ZDHHC1: variants seen among roughly 807,000 people sequenced by gnomAD.
The protein encoded by ZDHHC1 is palmitoyltransferase ZDHHC1.
ZDHHC1 carries 45 observed loss-of-function variants against 46.9 expected under a neutral mutation model. The ratio of observed to expected loss-of-function variants is 0.96; its 90% CI spans 0.76 to 1.23. ZDHHC1 has a LOEUF of 1.23. Among genes scored for constraint, ZDHHC1 ranks in the 50% most tolerant of loss-of-function variants. The probability of loss-of-function intolerance (pLI) is 0.00; values close to 1 mark genes in which losing one functional copy is unlikely to be tolerated. For missense variants in ZDHHC1, 649 were observed against 670.8 expected (o/e 0.97, Z 0.36); for synonymous variants, 291 against 286.0 (o/e 1.02, Z -0.18).
At chr16:67,403,172 C>T (rs1358951464) in intron 3 of ZDHHC1, among the ~76,000 whole-genome samples, 2 of 152,144 alleles carry the variant, frequency 1.3e-5, no homozygotes, top group Non-Finnish European at 2.9e-5. Flanking sequence ...AGCAGTTTGG[C>T]TGAAGTGTGC....
chr16:67,403,572 C>T (rs938478783), intron 3 of ZDHHC1, among the ~76,000 whole-genome samples: 1 of 151,324 alleles, frequency 6.6e-6, no homozygotes, highest in Non-Finnish European at 1.5e-5. Context: ...GTCCAGAATG[C>T]GGAGCCTTGA....
rs182692615 is a variant in ZDHHC1 at position 67,414,335 on chromosome 16, T to A, written c.-39+1836A>T. On this transcript the variant is annotated intron_variant, in intron 1 of 11. Coordinates refer to ENST00000565726, the MANE Select transcript of ZDHHC1 (RefSeq NM_001323627.2). ...TTGCTTTTACTGCATCTCATGGTGA[T>A]TATCTGTTTACAAACCCGTCTCCCA... Among the ~76,000 whole-genome samples, 3 of 152,268 alleles carry A rather than the reference T, an allele frequency of 2.0e-5. No homozygotes were observed. In the East Asian group the frequency reaches 5.8e-4, roughly 29 times the overall value.
intron 1 of ZDHHC1, among the ~76,000 whole-genome samples, chr16:67,412,747 T>C (rs989209424): frequency 6.6e-6 from 1 of 152,130 alleles, no homozygotes; most frequent in African/African-American, 2.4e-5. Flanking sequence ...ATGCATCTTG[T>C]CCTTTTGCTA....
Position 67,398,203 on chromosome 16 carries a change from C to T in ZDHHC1, c.927+9G>A. On this transcript the variant is annotated intron_variant, in intron 8 of 11. Coordinates refer to ENST00000565726, the MANE Select transcript of ZDHHC1 (RefSeq NM_001323627.2). Reference sequence around the variant, plus strand: ...ACCCAGGCCCCCTCCCACCCTTCATCCTCTATACCTGAATGGGCCGCATCT... The same window carrying T: ...ACCCAGGCCCCCTCCCACCCTTCATTCTCTATACCTGAATGGGCCGCATCT... 6.4e-7 allele frequency: 1 copy of T among 1,555,820 alleles called. No individual in the cohort carries two copies.
Position 67,401,842 on chromosome 16 carries a change from T to C in ZDHHC1, c.253-710A>G, listed in dbSNP as rs1159121919. Reference sequence around the variant, plus strand: ...TGCAGGAGACAAGTTTGCTGACAATTTGCTACAAAGTCTGATGTTTAAAAA... The same window carrying C: ...TGCAGGAGACAAGTTTGCTGACAATCTGCTACAAAGTCTGATGTTTAAAAA... On this transcript the variant is annotated intron_variant, in intron 3 of 11. Transcript: ENST00000565726. The surrounding 1 kb of genome is among the most constrained non-coding windows in gnomAD (Gnocchi z 4.6). 6.6e-6 allele frequency among the ~76,000 whole-genome samples: 1 copy of C among 152,200 alleles called. No homozygotes were observed. Among genetic ancestry groups the C allele is most frequent in the African/African-American group, 2.4e-5 (1 of 41,450 alleles).
In ZDHHC1 at chr16:67,395,167, C is replaced by G; in HGVS notation, c.1104+20G>C. 3 of 1,612,980 alleles carry G rather than the reference C, an allele frequency of 1.9e-6. No individual in the cohort carries two copies. Among genetic ancestry groups the G allele is most frequent in the Non-Finnish European group, 2.5e-6 (3 of 1,179,952 alleles). On this transcript the variant is annotated intron_variant, in intron 10 of 11. Transcript: ENST00000565726. The stretch of plus-strand genomic sequence containing the variant: ...TATCCCACTCCACCTGGACCGGAGG[C>G]CCAGCACAGTCCCTCCTACCTGGGG...
intron 1 of ZDHHC1, among the ~76,000 whole-genome samples, chr16:67,408,399 C>G (rs2040698847): frequency 6.6e-6 from 1 of 152,080 alleles, no homozygotes; most frequent in African/African-American, 2.4e-5. Flanking sequence ...AACTCCTGGA[C>G]TCCAGACTCA....
In ZDHHC1 at chr16:67,394,258, C is replaced by G. The variant is rs530955415; in HGVS notation, c.*352G>C. 6.6e-6 allele frequency among the ~76,000 whole-genome samples: 1 copy of G among 152,194 alleles called. No individual in the cohort carries two copies. Among genetic ancestry groups the G allele is most frequent in the Non-Finnish European group, 1.5e-5 (1 of 68,018 alleles). ...AAAATAACCTCCTCCAGGCCGCCTT[C>G]TAAGGCCTTTCCTAACCACGAGCCG... On this transcript the variant is annotated 3_prime_UTR_variant, in exon 12 of 12. Coordinates refer to ENST00000565726, the MANE Select transcript of ZDHHC1 (RefSeq NM_001323627.2).
At chr16:67,403,913 C>T (rs547840522) in intron 3 of ZDHHC1, among the ~76,000 whole-genome samples, 1 of 152,290 alleles carries the variant, frequency 6.6e-6, no homozygotes, top group African/African-American at 2.4e-5. Context: ...CGCGCCCGGC[C>T]TTGAGCCTCA....
chr16:67,402,690 G>A (rs893063389), intron 3 of ZDHHC1, among the ~76,000 whole-genome samples: 3 of 151,584 alleles, frequency 2.0e-5, no homozygotes, highest in South Asian at 2.1e-4. Flanking sequence ...GCAATGGCAC[G>A]ATCTTGGCTC....
Position 67,395,206 on chromosome 16 carries a change from G to C in ZDHHC1, c.1085C>G (p.Pro362Arg). ...TCCTACCTGGGGTCGGATCCGGGGA[G>C]GCAGGGCGAGAGTGTCTGGGGAAGA... ...PPSSPDTLALPPRIRPQKKRK... is the reference protein window; with the variant it reads ...PPSSPDTLALRPRIRPQKKRK... The change falls in exon 10 of 12, where the codon CCT becomes CGT. Residue 362 changes from proline (P) to arginine (R), a missense_variant. Transcript: ENST00000565726. The C allele has an allele frequency of 6.2e-7, 1 of 1,611,604 alleles. No individual in the cohort carries two copies. The highest frequency in any genetic ancestry group is 8.5e-7 in the Non-Finnish European group (1 of 1,179,430).
At position 67,395,290 on chromosome 16, in the gene ZDHHC1, A is replaced by G; in HGVS notation, c.1011-10T>C. 6.5e-7 allele frequency: 1 copy of G among 1,531,428 alleles called. No individual in the cohort carries two copies. 94.9% of individuals were successfully genotyped at this position (1,531,428 alleles called of 1,614,324 possible). On this transcript the variant is annotated splice_polypyrimidine_tract_variant and intron_variant, in intron 9 of 11. Coordinates refer to ENST00000565726, the MANE Select transcript of ZDHHC1 (RefSeq NM_001323627.2). ...AAGAAACTGGGAGGGACTGAGGGGG[A>G]AGCAGGAGGGTAAGCCTGGGGCCTG...
Position 67,395,284 on chromosome 16 carries a change from AG to A in ZDHHC1, c.1011-5del. ...GGTGGCAAGAAACTGGGAGGGACTG[AG>A]GGGGAAGCAGGAGGGTAAGCCTGGG... On this transcript the variant is annotated splice_polypyrimidine_tract_variant and splice_region_variant and intron_variant, in intron 9 of 11. Coordinates refer to ENST00000565726, the MANE Select transcript of ZDHHC1 (RefSeq NM_001323627.2). The A allele has an allele frequency of 1.3e-6, 2 of 1,536,426 alleles. No homozygotes were observed. The highest frequency in any genetic ancestry group is 8.8e-7 in the Non-Finnish European group (1 of 1,139,506).
chr16:67,406,312 G>A lies in ZDHHC1; in HGVS notation c.140C>T (p.Pro47Leu). Residue 47 changes from proline (P) to leucine (L), a missense_variant, in exon 3 of 12, where the codon CCC becomes CTC. Physicochemically the swap from Pro to Leu is moderately conservative, Grantham distance 98. Transcript: ENST00000565726. This position sits in a 1 kb window ranked among gnomAD's most constrained non-coding sequence, Gnocchi z 4.1. Reference protein sequence around the residue: ...QRSRRNGWSWPPHPLQIVAWL... With the variant: ...QRSRRNGWSWLPHPLQIVAWL... ...GGCCACAATCTGGAGCGGGTGAGGG[G>A]GCCAGCTCCACCCATTCCGGCGGGA... 1.9e-6 allele frequency: 3 copies of A among 1,606,566 alleles called. No individual in the cohort carries two copies. Among genetic ancestry groups the A allele is most frequent in the Non-Finnish European group, 1.7e-6 (2 of 1,176,800 alleles).
Position 67,406,392 on chromosome 16 carries a change from C to T in ZDHHC1, c.60G>A (p.Val20=). 2 of 1,577,414 alleles carry T rather than the reference C, an allele frequency of 1.3e-6. No homozygotes were observed. Among genetic ancestry groups the T allele is most frequent in the South Asian group, 1.2e-5 (1 of 86,190 alleles). ...CGCTGGGCTGTGCCGGTGCCGTCCA[C>T]ACACTCTTCTCAGGGGCCGTCTTGT... The part of the protein sequence containing the change: ...PSNKTAPEKS[V]WTAPAQPSGP... Residue 20 remains valine (V), a synonymous_variant, in exon 3 of 12, where the codon GTG becomes GTA. Transcript: ENST00000565726. The surrounding 1 kb of genome is among the most constrained non-coding windows in gnomAD (Gnocchi z 4.1).
Position 67,406,411 on chromosome 16 carries a change from G to A in ZDHHC1, c.41C>T (p.Thr14Met), listed in dbSNP as rs369323711. The A allele has an allele frequency of 8.6e-5, 135 of 1,561,864 alleles. No homozygotes were observed. Among genetic ancestry groups the A allele is most frequent in the East Asian group, 3.0e-4 (13 of 43,176 alleles). The change falls in exon 3 of 12, where the codon ACG (threonine) becomes ATG (methionine). Residue 14 changes from threonine (T) to methionine (M), a missense_variant. Thr to Met is a moderately conservative substitution (Grantham distance 81). Transcript: ENST00000565726. This position sits in a 1 kb window ranked among gnomAD's most constrained non-coding sequence, Gnocchi z 4.1. ...CGTCCACACACTCTTCTCAGGGGCC[G>A]TCTTGTTGGAGGGCTTGTTGCAGAT... ...MNICNKPSNK[T>M]APEKSVWTAP... is the part of the protein sequence containing the mutation.
intron 1 of ZDHHC1, among the ~76,000 whole-genome samples, chr16:67,415,563 C>T (rs978439571): frequency 1.3e-5 from 2 of 152,130 alleles, no homozygotes; most frequent in African/African-American, 4.8e-5. Context: ...TCGAGAACAG[C>T]CTGGCCAACA....
At position 67,406,773 on chromosome 16, in the gene ZDHHC1, T is replaced by A. The variant is rs1227980883; in HGVS notation, c.10-331A>T. ...TTAAACCCAATAAGACATGTTCTCA[T>A]CTGGTAACAATATCAGGCTGGGGCC... On this transcript the variant is annotated intron_variant, in intron 2 of 11. Transcript: ENST00000565726. The surrounding 1 kb of genome is among the most constrained non-coding windows in gnomAD (Gnocchi z 4.1). 1.3e-5 allele frequency among the ~76,000 whole-genome samples: 2 copies of A among 152,206 alleles called. No homozygotes were observed. Among genetic ancestry groups the A allele is most frequent in the East Asian group, 3.8e-4 (2 of 5,198 alleles).
Position 67,398,338 on chromosome 16 carries a change from G to T in ZDHHC1, c.815-14C>A. Reference sequence around the variant, plus strand: ...GCTTGTGCCACACTGGTGGGGGGAGGAGAGGGCTCAGTGCGGTGGAAGGGG... The same window carrying T: ...GCTTGTGCCACACTGGTGGGGGGAGTAGAGGGCTCAGTGCGGTGGAAGGGG... On this transcript the variant is annotated splice_polypyrimidine_tract_variant and intron_variant, in intron 7 of 11. Transcript: ENST00000565726. The T allele has an allele frequency of 1.2e-6, 2 of 1,610,596 alleles. No homozygotes were observed. The highest frequency in any genetic ancestry group is 1.7e-6 in the Non-Finnish European group (2 of 1,178,148).
Sources: gnomAD v4.1 joint callset for allele counts (sites outside exome capture counted in the v4.1 genomes callset) on GRCh38, gnomAD v4.1.1 for gene constraint, Gnocchi (gnomAD v3.1) non-coding constraint, MANE v1.5 for transcripts, NCBI Gene and HGNC (gene_info 2026-07-23, HGNC 2026-07-21) for gene names.